LRRC37A3: variants seen among roughly 807,000 people sequenced by gnomAD.
LRRC37A3 encodes the protein leucine-rich repeat-containing protein 37A3.
A neutral mutation model predicts 106.2 loss-of-function variants in LRRC37A3; 25 were observed. The observed-to-expected ratio is 0.24, with a 90% CI of 0.17 to 0.33. The LOEUF is 0.33. Among genes scored for constraint, LRRC37A3 ranks in the 10% least tolerant of loss-of-function variants. The probability of loss-of-function intolerance (pLI) is 1.00; values close to 1 mark genes in which losing one functional copy is unlikely to be tolerated. For missense variants in LRRC37A3, 712 were observed against 1,644.9 expected, an observed-to-expected ratio of 0.43 and a Z score of 9.81; for synonymous variants, 305 against 635.8, an observed-to-expected ratio of 0.48 and a Z score of 7.83.
At chr17:64,873,742 T>C (rs1272235725) in intron 8 of LRRC37A3, among the ~76,000 whole-genome samples, 2 of 151,482 alleles carry the variant, frequency 1.3e-5, no homozygotes, top group East Asian at 3.9e-4. Context: ...TTGTTGACTC[T>C]GAGGAACAGA....
intron 2 of LRRC37A3, among the ~76,000 whole-genome samples, chr17:64,917,863 G>A (rs1485464487): frequency 1.4e-5 from 2 of 147,132 alleles, no homozygotes; most frequent in Non-Finnish European, 2.9e-5. Flanking sequence ...AGCCACTCAG[G>A]AGGCTGAGAC....
intron 2 of LRRC37A3, among the ~76,000 whole-genome samples, chr17:64,908,967 G>A (rs1228195171): frequency 6.6e-6 from 1 of 151,600 alleles, no homozygotes; most frequent in Non-Finnish European, 1.5e-5. Flanking sequence ...TAGAGACGGG[G>A]TCTCACCATG....
At chr17:64,880,273 A>G (rs1973653410) in intron 8 of LRRC37A3, among the ~76,000 whole-genome samples, 2 of 152,016 alleles carry the variant, frequency 1.3e-5, no homozygotes, top group Admixed American at 6.6e-5. Flanking sequence ...AAACCAAATG[A>G]TATGAATGCT....
chr17:64,877,074 G>T (rs1973537062), intron 8 of LRRC37A3: 1 of 152,134 alleles, frequency 6.6e-6, no homozygotes, highest in African/African-American at 2.4e-5. Flanking sequence ...TACAATTGTT[G>T]TTTTTTTGAG....
At chr17:64,873,011 C>A (rs941756396) in intron 8 of LRRC37A3, among the ~76,000 whole-genome samples, 2 of 152,220 alleles carry the variant, frequency 1.3e-5, no homozygotes, top group African/African-American at 4.8e-5. Flanking sequence ...TTCATTTAAT[C>A]ATTAGCTGAT....
chr17:64,871,774 A>T (rs1973321087), intron 8 of LRRC37A3: 2 of 152,196 alleles, frequency 1.3e-5, no homozygotes, highest in Admixed American at 1.3e-4. Flanking sequence ...GACTACAGGC[A>T]TGTACCCAGT....
At chr17:64,916,638 G>C (rs1347753603) in intron 2 of LRRC37A3, among the ~76,000 whole-genome samples, 1 of 146,040 alleles carries the variant, frequency 6.8e-6, no homozygotes, top group African/African-American at 2.6e-5. Context: ...AAAAAAACTA[G>C]CCAGGTGTGG....
chr17:64,911,614 C>A (rs1974590524), intron 2 of LRRC37A3, among the ~76,000 whole-genome samples: 1 of 152,150 alleles, frequency 6.6e-6, no homozygotes, highest in Admixed American at 6.6e-5. Context: ...ACTTTTACAA[C>A]TCCTTTCTAT....
intron 2 of LRRC37A3, among the ~76,000 whole-genome samples, chr17:64,917,227 C>CAGAGCCAG (rs1339061909): frequency 8.9e-6 from 1 of 111,890 alleles, no homozygotes; most frequent in African/African-American, 3.6e-5. Context: ...GCCTGGGTAA[C>CAGAGCCAG]AGAGCCAGAC....
chr17:64,918,991 C>T lies in LRRC37A3; in HGVS notation c.-616-121G>A, dbSNP rs569826671. The T allele has an allele frequency of 9.9e-6, 12 of 1,217,090 alleles. No homozygotes were observed. In the Admixed American group the frequency reaches 3.0e-4, roughly 31 times the overall value. 75.4% of individuals were successfully genotyped at this position (1,217,090 alleles called of 1,614,324 possible). A position where few individuals can be genotyped will look rare whatever the true frequency, so the allele number is the denominator to read the frequency against. On this transcript the variant is annotated intron_variant, in intron 1 of 14. Coordinates refer to ENST00000584306, the MANE Select transcript of LRRC37A3 (RefSeq NM_199340.5). The stretch of plus-strand genomic sequence containing the variant: ...CCAGGTGGCTGCCCCCGCCTCCCCC[C>T]GGCCGGGGCGCTGGTGCTGGGGTGG...
At chr17:64,916,524 C>T (rs1163600170) in intron 2 of LRRC37A3, among the ~76,000 whole-genome samples, 2 of 151,088 alleles carry the variant, frequency 1.3e-5, no homozygotes, top group Non-Finnish European at 3.0e-5. Context: ...TGCCTGTAAT[C>T]TCAGCACTTT....
Position 64,860,317 on chromosome 17 carries a change from G to C in LRRC37A3, c.3829C>G (p.His1277Asp). The change falls in exon 12 of 15, where the codon CAC becomes GAC. Residue 1277 changes from histidine to aspartate, a missense_variant. Physicochemically the swap from His to Asp is moderately conservative, Grantham distance 81. Coordinates refer to ENST00000584306, the MANE Select transcript of LRRC37A3 (RefSeq NM_199340.5). ...QVRDRWKDLT[H>D]AISILESAKA... Reference sequence around the variant, plus strand: ...GCACTTTCTAAAATGGAAATAGCGTGGGTTAAGTCTTTCCATCTGTCTCTC... The same window carrying C: ...GCACTTTCTAAAATGGAAATAGCGTCGGTTAAGTCTTTCCATCTGTCTCTC... 1 of 1,613,966 alleles carries C rather than the reference G, an allele frequency of 6.2e-7. No homozygotes were observed.
In LRRC37A3 at chr17:64,854,239, G is replaced by T. The variant is rs367632165; in HGVS notation, c.*360C>A. 5.2e-6 allele frequency: 2 copies of T among 382,596 alleles called. No individual in the cohort carries two copies. Among genetic ancestry groups the T allele is most frequent in the Non-Finnish European group, 9.4e-6 (2 of 213,002 alleles). 23.7% of individuals were successfully genotyped at this position (382,596 alleles called of 1,614,324 possible). ...GCTTGAGGGCTTGGGAAAAAGACAG[G>T]GCTTGGCCCCACAGTGCAGGTAGGC... is the stretch of plus-strand genomic sequence containing the variant. On this transcript the variant is annotated 3_prime_UTR_variant, in exon 15 of 15. Transcript: ENST00000584306.
At position 64,919,291 on chromosome 17, in the gene LRRC37A3, G is replaced by C. The variant is rs1404729711; in HGVS notation, c.-617+140C>G. 5.8e-5 allele frequency: 44 copies of C among 761,424 alleles called. No individual in the cohort carries two copies. In the South Asian group the frequency reaches 1.5e-3, roughly 25 times the overall value. The allele number at this position is 761,424 out of a possible 1,614,324, so 47.2% of individuals were successfully genotyped here. A position where few individuals can be genotyped will look rare whatever the true frequency, so the allele number is the denominator to read the frequency against. On this transcript the variant is annotated intron_variant, in intron 1 of 14. Transcript: ENST00000584306. ...CCGAGGCGGAGGGAGAAGGGAAAGC[G>C]GCCGGGAAGGGGCGGGCGCAATGGG...
rs1209937330 is a variant in LRRC37A3, at chr17:64,859,803, T to C, written c.4343A>G (p.Asn1448Ser). Residue 1448 changes from asparagine to serine, a missense_variant, in exon 12 of 15, where the codon AAC becomes AGC. Transcript: ENST00000584306. Reference protein sequence around the residue: ...VKQTETKWEYNNVGTDLSPEP... With the variant: ...VKQTETKWEYSNVGTDLSPEP... Reference sequence around the variant, plus strand: ...GGGGGACAGGTCAGTGCCCACGTTGTTGTATTCCCATTTTGTCTCAGTTTG... The same window carrying C: ...GGGGGACAGGTCAGTGCCCACGTTGCTGTATTCCCATTTTGTCTCAGTTTG... The C allele has an allele frequency of 1.2e-6, 2 of 1,612,142 alleles. No homozygotes were observed. Among genetic ancestry groups the C allele is most frequent in the Non-Finnish European group, 1.7e-6 (2 of 1,179,906 alleles).
At chr17:64,897,717 T>C (rs1974178427) in intron 3 of LRRC37A3, 63 bp from the exon 4 acceptor site, 1 of 641,654 alleles carries the variant, frequency 1.6e-6, no homozygotes. Context: ...CCATTTTCGC[T>C]AAACTGTCGC....
Position 64,858,835 on chromosome 17 carries a change from C to T in LRRC37A3, c.4753G>A (p.Ala1585Thr). 2 of 1,613,426 alleles carry T rather than the reference C, an allele frequency of 1.2e-6. No individual in the cohort carries two copies. The highest frequency in any genetic ancestry group is 1.7e-6 in the Non-Finnish European group (2 of 1,179,760). The change falls in exon 13 of 15, where the codon GCG becomes ACG. Residue 1585 changes from alanine to threonine, a missense_variant. Transcript: ENST00000584306. ...GTTAGTATTCCAGTCACAATTAACG[C>T]CAAGATGAGTTTTTTGGTATAGCCA... is the stretch of plus-strand genomic sequence containing the variant. Reference protein sequence around the residue: ...GYGYTKKLILALIVTGILTIL... With the variant: ...GYGYTKKLILTLIVTGILTIL...
intron 8 of LRRC37A3, among the ~76,000 whole-genome samples, chr17:64,876,415 G>A (rs1390174278): frequency 6.6e-6 from 1 of 151,830 alleles, no homozygotes; most frequent in Non-Finnish European, 1.5e-5. Flanking sequence ...GAACTCCTGG[G>A]GTCAAGCAAT....
chr17:64,875,704 G>T (rs546081698), intron 8 of LRRC37A3, among the ~76,000 whole-genome samples: 1 of 151,954 alleles, frequency 6.6e-6, no homozygotes, highest in Non-Finnish European at 1.5e-5. Context: ...CACTAGAATC[G>T]CTTGAACCTG....
Sources: gnomAD v4.1 joint callset for allele counts (sites outside exome capture counted in the v4.1 genomes callset) on GRCh38, gnomAD v4.1.1 for gene constraint, MANE v1.5 for transcripts, NCBI Gene and HGNC (gene_info 2026-07-23, HGNC 2026-07-21) for gene names.